MTERF3: variants seen among roughly 807,000 people sequenced by gnomAD.
The protein encoded by MTERF3 is mitochondrial transcription termination factor 3.
Under a neutral mutation model 40.5 loss-of-function variants are expected in MTERF3, and 40 were observed. That is an observed-to-expected ratio of 0.99 (90% CI 0.77 to 1.29). MTERF3 has a LOEUF of 1.29. MTERF3 is among the 50% of genes most tolerant of loss of function. The pLI is 0.00. For synonymous variants in MTERF3, 158 were observed against 166.6 expected (o/e 0.95, Z 0.40); for missense variants, 452 against 478.2 (o/e 0.95, Z 0.51).
At chr8:96,239,712 AAAC>A (rs765845888) in intron 7 of MTERF3, 27 bp from the exon 8 acceptor site, 3 of 1,527,140 alleles carry the variant, frequency 2.0e-6, no homozygotes. Context: ...AGTTTTTAAA[AAAC>A]ACTGCACACG....
chr8:96,250,678 A>C (rs796624037), intron 4 of MTERF3, among the ~76,000 whole-genome samples: 4 of 34,376 alleles, frequency 1.2e-4, no homozygotes, highest in East Asian at 7.2e-4. Context: ...GAAGAAGAAG[A>C]AGAAGGAGGA....
At position 96,247,174 on chromosome 8, in the gene MTERF3, T is replaced by C. The variant is rs1055628158; in HGVS notation, c.678-720A>G. 3.3e-5 allele frequency among the ~76,000 whole-genome samples: 5 copies of C among 152,280 alleles called. No individual in the cohort carries two copies. In the East Asian group the frequency reaches 9.7e-4, roughly 29 times the overall value. ...TTTTAGTAGAGACGGGGTTTCACCA[T>C]GTTGACCAGGCTAGTCTCGAACTCC... On this transcript the variant is annotated intron_variant, in intron 4 of 7. Coordinates refer to ENST00000287025, the MANE Select transcript of MTERF3 (RefSeq NM_015942.5).
At chr8:96,244,152 T>C in intron 6 of MTERF3, 72 bp from the exon 7 acceptor site, 1 of 1,361,480 alleles carries the variant, frequency 7.3e-7, no homozygotes, top group Non-Finnish European at 1.0e-6. Flanking sequence ...AAGGCTGCAC[T>C]GATTTTTTTT....
chr8:96,254,973 T>C lies in MTERF3; in HGVS notation c.487+1989A>G, dbSNP rs1325387993. On this transcript the variant is annotated intron_variant, in intron 3 of 7. Transcript: ENST00000287025. Reference sequence around the variant, plus strand: ...GAAGTTACTTGGACTTCAGTGATGTTCTCCAGTTGTTGGAGTTGGCTAAAC... The same window carrying C: ...GAAGTTACTTGGACTTCAGTGATGTCCTCCAGTTGTTGGAGTTGGCTAAAC... Among the ~76,000 whole-genome samples the C allele has an allele frequency of 3.3e-5, 5 of 152,308 alleles. No individual in the cohort carries two copies. The East Asian group carries it at 5.8e-4, about 18-fold the overall frequency.
At chr8:96,260,362 T>C (rs1053620829) in intron 1 of MTERF3, 10 of 150,272 alleles carry the variant, frequency 6.7e-5, no homozygotes, top group Admixed American at 6.0e-4. Context: ...GGGCACTAAA[T>C]TGAAAGTCAG....
At chr8:96,253,340 T>C (rs1395414952) in intron 3 of MTERF3, among the ~76,000 whole-genome samples, 1 of 152,110 alleles carries the variant, frequency 6.6e-6, no homozygotes, top group African/African-American at 2.4e-5. Flanking sequence ...GCTGTTGTCA[T>C]GGAGTGAGGC....
intron 1 of MTERF3, among the ~76,000 whole-genome samples, chr8:96,259,913 A>ATTT (rs962074104): frequency 6.6e-6 from 1 of 150,382 alleles, no homozygotes; most frequent in Non-Finnish European, 1.5e-5. Flanking sequence ...TATTATTATT[A>ATTT]TTTTTTTTGA....
Position 96,250,946 on chromosome 8 carries a change from G to C in MTERF3, c.637C>G (p.His213Asp), listed in dbSNP as rs148129681. The C allele has an allele frequency of 2.2e-5, 36 of 1,609,092 alleles. No individual in the cohort carries two copies. Among genetic ancestry groups the C allele is most frequent in the Admixed American group, 1.7e-4 (10 of 58,616 alleles). ...NQLGAFLTKN[H>D]AIFSEDLENL... ...TCAAGGTCTTCAGAGAAAATTGCAT[G>C]ATTTTTTGTCAGGAATGCTCCCAGT... The change falls in exon 4 of 8, where the codon CAT (histidine) becomes GAT (aspartate). Residue 213 changes from histidine (H) to aspartate (D), a missense_variant. Transcript: ENST00000287025.
chr8:96,245,714 TA>T, intron 6 of MTERF3, 145 bp downstream of exon 6: 1 of 698,448 alleles, frequency 1.4e-6, no homozygotes, highest in Non-Finnish European at 2.4e-6. Context: ...AGACATTTGT[TA>T]AAGATAATTT....
At chr8:96,259,524 T>C (rs1378875709) in intron 1 of MTERF3, among the ~76,000 whole-genome samples, 1 of 152,252 alleles carries the variant, frequency 6.6e-6, no homozygotes, top group Non-Finnish European at 1.5e-5. Flanking sequence ...TAGTGCTATG[T>C]TAAACTCCAG....
At chr8:96,261,047 TAAAG>T (rs1000407665) in intron 1 of MTERF3, among the ~76,000 whole-genome samples, 3 of 152,224 alleles carry the variant, frequency 2.0e-5, no homozygotes, top group Admixed American at 6.5e-5. Context: ...AGAAAACCCT[TAAAG>T]AAACTGAAGT....
At chr8:96,246,011 T>C in intron 5 of MTERF3, 80 bp from the exon 6 acceptor site, 1 of 1,323,908 alleles carries the variant, frequency 7.6e-7, no homozygotes, top group Non-Finnish European at 1.1e-6. Flanking sequence ...ATTATTAAGA[T>C]ACAAAGTTAA....
In MTERF3 at chr8:96,258,354, T is replaced by C; in HGVS notation, c.334+3A>G. 3 of 1,598,546 alleles carry C rather than the reference T, an allele frequency of 1.9e-6. 1 individual carries two copies. In the South Asian group the frequency reaches 3.3e-5, roughly 18 times the overall value. On this transcript the variant is annotated splice_donor_region_variant and intron_variant, in intron 2 of 7. Coordinates refer to ENST00000287025, the MANE Select transcript of MTERF3 (RefSeq NM_015942.5). ...GGAGACTTTTCTGAAAGTTCAGAAT[T>C]ACCTTCTAGAAACAGCTCAGAATCA...
At chr8:96,257,749 T>C (rs1237744941) in intron 2 of MTERF3, among the ~76,000 whole-genome samples, 2 of 152,138 alleles carry the variant, frequency 1.3e-5, no homozygotes, top group African/African-American at 4.8e-5. Flanking sequence ...TTTTGTTCTG[T>C]TTTGTGCTTC....
Position 96,258,393 on chromosome 8 carries a change from T to G in MTERF3, c.298A>C (p.Asn100His), listed in dbSNP as rs533548805. 6.2e-7 allele frequency: 1 copy of G among 1,613,726 alleles called. No homozygotes were observed. The highest frequency in any genetic ancestry group is 1.3e-5 in the African/African-American group (1 of 75,040). ...AGCTCAGAATCAAAGCTGGATATAT[T>G]TTGTGTCTTCTGTGACTGTTCATTC... is the stretch of plus-strand genomic sequence containing the variant. ...SMNEQSQKTQNISSFDSELFL... is the reference protein window; with the variant it reads ...SMNEQSQKTQHISSFDSELFL... The change falls in exon 2 of 8, where the codon AAT (asparagine) becomes CAT (histidine). Residue 100 changes from asparagine (N) to histidine (H), a missense_variant. Transcript: ENST00000287025.
chr8:96,241,071 AT>A (rs574142469), intron 7 of MTERF3, among the ~76,000 whole-genome samples: 2 of 151,478 alleles, frequency 1.3e-5, no homozygotes, highest in African/African-American at 2.4e-5. Flanking sequence ...TTTTAGATAG[AT>A]TTTTTTTTAG....
intron 4 of MTERF3, among the ~76,000 whole-genome samples, chr8:96,247,904 AT>A (rs1277175033): frequency 6.6e-6 from 1 of 152,218 alleles, no homozygotes; most frequent in African/African-American, 2.4e-5. Flanking sequence ...AAAAAGCCTG[AT>A]TAAAAAATAG....
intron 7 of MTERF3, among the ~76,000 whole-genome samples, chr8:96,240,051 A>C (rs937277401): frequency 6.6e-6 from 1 of 152,136 alleles, no homozygotes; most frequent in African/African-American, 2.4e-5. Context: ...AATTCAAGAC[A>C]AGCCTGGCCA....
intron 6 of MTERF3, 121 bp from the exon 7 acceptor site, chr8:96,244,201 G>C (rs947523270): frequency 1.3e-5 from 10 of 744,796 alleles, no homozygotes; most frequent in Non-Finnish European, 4.3e-6. Context: ...CCAGGATGGA[G>C]TGCAGTGGCA....
Sources: allele counts gnomAD v4.1 joint callset (sites outside exome capture counted in the v4.1 genomes callset), GRCh38; gene constraint gnomAD v4.1.1; transcripts MANE v1.5; gene names NCBI Gene and HGNC (gene_info 2026-07-23, HGNC 2026-07-21).